TRIM55: variants seen among roughly 807,000 people sequenced by gnomAD.
The protein encoded by TRIM55 is tripartite motif-containing protein 55.
TRIM55 carries 50 observed loss-of-function variants against 60.9 expected under a neutral mutation model. That is an observed-to-expected ratio of 0.82 (90% CI 0.65 to 1.04). TRIM55 has a LOEUF of 1.04. Ranked by LOEUF, TRIM55 falls within the 50% of genes least tolerant of loss-of-function variation. The pLI is 0.00. For synonymous variants in TRIM55, 237 were observed against 238.1 expected, an observed-to-expected ratio of 1.00 and a Z score of 0.04; for missense variants, 681 against 666.9, an observed-to-expected ratio of 1.02 and a Z score of -0.23.
At chr8:66,140,273 C>T (rs1193928221) in intron 4 of TRIM55, among the ~76,000 whole-genome samples, 1 of 152,206 alleles carries the variant, frequency 6.6e-6, no homozygotes, top group Non-Finnish European at 1.5e-5. Flanking sequence ...GAATGAAAAA[C>T]ACCAAAAGTT....
intron 2 of TRIM55, among the ~76,000 whole-genome samples, chr8:66,134,712 T>G (rs1471274359): frequency 2.0e-5 from 3 of 152,050 alleles, no homozygotes; most frequent in Non-Finnish European, 4.4e-5. Flanking sequence ...AAATACACCA[T>G]GGAAATGGGC....
intron 9 of TRIM55, among the ~76,000 whole-genome samples, chr8:66,158,195 A>G (rs1334202516): frequency 1.5e-5 from 2 of 130,670 alleles, no homozygotes; most frequent in Non-Finnish European, 3.3e-5. Context: ...ACACACACAC[A>G]CACACACTGC....
chr8:66,162,149 T>C (rs1268410685), intron 9 of TRIM55, among the ~76,000 whole-genome samples: 3 of 152,110 alleles, frequency 2.0e-5, no homozygotes, highest in Non-Finnish European at 4.4e-5. Flanking sequence ...TTGTTGGCTG[T>C]GGGTTTGTTG....
rs944682493 is a variant in TRIM55, at chr8:66,167,211, C to A, written c.1525-7260C>A. Among the ~76,000 whole-genome samples the A allele has an allele frequency of 2.0e-5, 3 of 152,318 alleles. No individual in the cohort carries two copies. In the East Asian group the frequency reaches 5.8e-4, roughly 29 times the overall value. Reference sequence around the variant, plus strand: ...AGTTACTTTGAGCAAGGTCCTCAAACTTCCTGAGTCTGAACTTTCTCATCT... The same window carrying A: ...AGTTACTTTGAGCAAGGTCCTCAAAATTCCTGAGTCTGAACTTTCTCATCT... On this transcript the variant is annotated intron_variant, in intron 9 of 9. Transcript: ENST00000315962.
At chr8:66,172,009 G>A (rs113286771) in intron 9 of TRIM55, among the ~76,000 whole-genome samples, 3,589 of 152,018 alleles carry the variant, frequency 0.024, 134 homozygotes, top group African/African-American at 0.081. Flanking sequence ...CAGTACCCAG[G>A]GGATTCTGCA....
In TRIM55 at chr8:66,137,111, G is replaced by C. The variant is rs558759489; in HGVS notation, c.524G>C (p.Gly175Ala). The change falls in exon 4 of 10, where the codon GGC becomes GCC. Residue 175 changes from glycine to alanine, a missense_variant. Physicochemically the swap from Gly to Ala is moderately conservative, Grantham distance 60 (BLOSUM62 0). Transcript: ENST00000315962. ...FQRQKSELSD[G>A]IAILVGSNDR... ...CTTCATTAGTCTGAGCTCAGTGATG[G>C]CATCGCCATCCTCGTGGGCAGCAAC... The C allele has an allele frequency of 1.2e-6, 2 of 1,613,952 alleles. No homozygotes were observed. The highest frequency in any genetic ancestry group is 2.2e-5 in the South Asian group (2 of 91,070).
chr8:66,151,964 A>G (rs1328053118), intron 7 of TRIM55, among the ~76,000 whole-genome samples: 1 of 152,208 alleles, frequency 6.6e-6, no homozygotes, highest in Non-Finnish European at 1.5e-5. Flanking sequence ...AGCTAAAATG[A>G]CAAAAGGGCT....
At chr8:66,133,571 T>C (rs1053188725) in intron 2 of TRIM55, among the ~76,000 whole-genome samples, 15 of 152,218 alleles carry the variant, frequency 9.9e-5, no homozygotes, top group African/African-American at 3.4e-4. Context: ...GGAAAGCATA[T>C]TGCTGCAAGA....
intron 3 of TRIM55, 108 bp from the exon 4 acceptor site, chr8:66,136,987 T>C (rs1809512956): frequency 2.4e-6 from 2 of 834,678 alleles, no homozygotes; most frequent in African/African-American, 1.7e-5. Context: ...CCTTAGGGGT[T>C]GCATGGATCC....
intron 9 of TRIM55, among the ~76,000 whole-genome samples, chr8:66,169,865 A>G (rs778569399): frequency 6.6e-6 from 1 of 152,188 alleles, no homozygotes; most frequent in Non-Finnish European, 1.5e-5. Flanking sequence ...CTGCAAATCC[A>G]TATTTTAATG....
chr8:66,137,560 AC>A (rs1809551827), intron 4 of TRIM55, among the ~76,000 whole-genome samples: 1 of 152,162 alleles, frequency 6.6e-6, no homozygotes, highest in Non-Finnish European at 1.5e-5. Flanking sequence ...GGTGCTTTAG[AC>A]AGTCATAGGC....
intron 2 of TRIM55, among the ~76,000 whole-genome samples, chr8:66,130,908 G>A (rs1003391068): frequency 4.0e-5 from 6 of 151,732 alleles, no homozygotes; most frequent in South Asian, 4.2e-4. Context: ...TGATCCACCC[G>A]CCTCGGCTTC....
upstream of TRIM55, among the ~76,000 whole-genome samples, chr8:66,122,963 A>G (rs936829482): frequency 1.3e-5 from 2 of 152,200 alleles, no homozygotes; most frequent in African/African-American, 2.4e-5. Flanking sequence ...TCTTCTGAGG[A>G]AAATCTACAT....
At chr8:66,172,505 A>G (rs1379979309) in intron 9 of TRIM55, among the ~76,000 whole-genome samples, 13 of 152,254 alleles carry the variant, frequency 8.5e-5, no homozygotes, top group Non-Finnish European at 1.8e-4. Flanking sequence ...TCCTGGAAAC[A>G]TGGAAGTGTA....
chr8:66,155,263 C>T (rs540241464), intron 9 of TRIM55, among the ~76,000 whole-genome samples: 1 of 152,248 alleles, frequency 6.6e-6, no homozygotes, highest in East Asian at 1.9e-4. Context: ...CAAGAGACTT[C>T]AATTCCATGA....
rs1490142721 is a variant in TRIM55 at position 66,150,896 on chromosome 8, C to T, written c.985+430C>T. 2.0e-5 allele frequency among the ~76,000 whole-genome samples: 3 copies of T among 152,194 alleles called. No individual in the cohort carries two copies. The East Asian group carries it at 5.8e-4, about 29-fold the overall frequency. On this transcript the variant is annotated intron_variant, in intron 7 of 9. Coordinates refer to ENST00000315962, the MANE Select transcript of TRIM55 (RefSeq NM_184085.2). Reference sequence around the variant, plus strand: ...GGCCAGGCTGGTCTCGAACTTCTGACCTCAGGTGATCCACCTGCCTTGGCC... The same window carrying T: ...GGCCAGGCTGGTCTCGAACTTCTGATCTCAGGTGATCCACCTGCCTTGGCC...
At chr8:66,156,495 G>A (rs1810747991) in intron 9 of TRIM55, among the ~76,000 whole-genome samples, 1 of 152,106 alleles carries the variant, frequency 6.6e-6, no homozygotes, top group South Asian at 2.1e-4. Flanking sequence ...AGGTTTGCTT[G>A]AGGACTGACA....
chr8:66,154,007 T>TC, intron 8 of TRIM55, 40 bp from the exon 9 acceptor site: 12 of 1,552,292 alleles, frequency 7.7e-6, no homozygotes, highest in Non-Finnish European at 1.0e-5. Context: ...CTTCTTCTTT[T>TC]TTTTTTTCTT....
At chr8:66,162,760 T>C (rs1455879149) in intron 9 of TRIM55, among the ~76,000 whole-genome samples, 1 of 152,106 alleles carries the variant, frequency 6.6e-6, no homozygotes, top group African/African-American at 2.4e-5. Context: ...TGAAGCCCAA[T>C]TTTGTTTTCT....
Sources: gnomAD v4.1 joint callset for allele counts (sites outside exome capture counted in the v4.1 genomes callset) on GRCh38, gnomAD v4.1.1 for gene constraint, MANE v1.5 for transcripts, NCBI Gene and HGNC (gene_info 2026-07-23, HGNC 2026-07-21) for gene names.